TSPAN5: variants seen among roughly 807,000 people sequenced by gnomAD.
TSPAN5 encodes the protein tetraspanin-5.
A neutral mutation model predicts 37.1 loss-of-function variants in TSPAN5; 10 were observed. The ratio of observed to expected loss-of-function variants is 0.27; its 90% CI spans 0.17 to 0.46. The LOEUF (loss-of-function observed/expected upper bound fraction) is 0.46. Among genes scored for constraint, TSPAN5 ranks in the 20% least tolerant of loss-of-function variants. The pLI is 1.00. For synonymous variants in TSPAN5, 110 were observed against 118.9 expected (o/e 0.93, Z 0.48); for missense variants, 195 against 326.6 (o/e 0.60, Z 3.11).
intron 1 of TSPAN5, among the ~76,000 whole-genome samples, chr4:98,591,729 G>T (rs1270795593): frequency 7.2e-6 from 1 of 139,494 alleles, no homozygotes; most frequent in African/African-American, 2.7e-5. Context: ...TTTTTAATGT[G>T]TCTACCAGAA....
chr4:98,527,264 G>C (rs1420984735), intron 1 of TSPAN5, among the ~76,000 whole-genome samples: 1 of 152,196 alleles, frequency 6.6e-6, no homozygotes, highest in East Asian at 1.9e-4. Context: ...GAAATGATCA[G>C]AGCTGGGCTT....
intron 1 of TSPAN5, among the ~76,000 whole-genome samples, chr4:98,539,045 T>C (rs986019310): frequency 6.6e-6 from 1 of 151,828 alleles, no homozygotes; most frequent in African/African-American, 2.4e-5. Context: ...GGTGGGAGGC[T>C]GGGGAATGCT....
At chr4:98,567,114 A>G (rs962579266) in intron 1 of TSPAN5, among the ~76,000 whole-genome samples, 2 of 152,212 alleles carry the variant, frequency 1.3e-5, no homozygotes, top group African/African-American at 4.8e-5. Context: ...AAGTCTCTCC[A>G]TCCTGCCTAC....
chr4:98,619,942 T>G (rs1756443490), intron 1 of TSPAN5, among the ~76,000 whole-genome samples: 1 of 152,108 alleles, frequency 6.6e-6, no homozygotes, highest in Admixed American at 6.5e-5. Context: ...TAGGATCTAA[T>G]TACCTCCTAA....
chr4:98,626,784 C>T (rs1213452565), intron 1 of TSPAN5, among the ~76,000 whole-genome samples: 3 of 151,558 alleles, frequency 2.0e-5, no homozygotes, highest in African/African-American at 4.9e-5. Context: ...TCCTCTTTAG[C>T]GTTTATCACT....
intron 1 of TSPAN5, among the ~76,000 whole-genome samples, chr4:98,568,533 C>A (rs944759159): frequency 6.6e-6 from 1 of 151,828 alleles, no homozygotes; most frequent in African/African-American, 2.4e-5. Context: ...CAGTCCCCCA[C>A]CCCCAGCCCA....
chr4:98,638,003 T>C (rs1355374224), intron 1 of TSPAN5, among the ~76,000 whole-genome samples: 1 of 152,228 alleles, frequency 6.6e-6, no homozygotes. Context: ...CGGCTCTTCC[T>C]GCTCCTTCTT....
At chr4:98,536,572 T>C (rs187711995) in intron 1 of TSPAN5, among the ~76,000 whole-genome samples, 71 of 152,358 alleles carry the variant, frequency 4.7e-4, no homozygotes, top group African/African-American at 1.6e-3. Context: ...GGCAGGGACA[T>C]TTAAGTCTGC....
chr4:98,642,593 CT>C (rs953823613), intron 1 of TSPAN5, among the ~76,000 whole-genome samples: 22 of 151,454 alleles, frequency 1.5e-4, no homozygotes, highest in South Asian at 8.4e-4. Context: ...GGTAGTTTCT[CT>C]TTTTTTTTCT....
chr4:98,640,801 G>A (rs998683525), intron 1 of TSPAN5, among the ~76,000 whole-genome samples: 1 of 152,190 alleles, frequency 6.6e-6, no homozygotes, highest in Non-Finnish European at 1.5e-5. Flanking sequence ...CCTTTTCCCA[G>A]GTGACAGTGA....
intron 4 of TSPAN5, among the ~76,000 whole-genome samples, chr4:98,479,298 G>A (rs763645606): frequency 5.3e-5 from 8 of 152,198 alleles, no homozygotes; most frequent in East Asian, 1.9e-4. Flanking sequence ...TTTATGGAGC[G>A]CAGGGAGACC....
chr4:98,561,092 G>A (rs1754872935), intron 1 of TSPAN5, among the ~76,000 whole-genome samples: 1 of 152,234 alleles, frequency 6.6e-6, no homozygotes, highest in Admixed American at 6.5e-5. Context: ...TTTGTGACTT[G>A]TCTTTACCAA....
chr4:98,595,911 T>A (rs1262270913), intron 1 of TSPAN5, among the ~76,000 whole-genome samples: 1 of 13,954 alleles, frequency 7.2e-5, no homozygotes, highest in Non-Finnish European at 1.3e-4. Context: ...ATGTATATTC[T>A]GTTGATTTGG....
intron 1 of TSPAN5, among the ~76,000 whole-genome samples, chr4:98,566,619 A>C (rs1755010113): frequency 6.6e-6 from 1 of 152,202 alleles, no homozygotes; most frequent in Non-Finnish European, 1.5e-5. Context: ...ATTGGTGCTA[A>C]GGCACCACAA....
intron 1 of TSPAN5, among the ~76,000 whole-genome samples, chr4:98,608,448 T>A (rs977199121): frequency 6.6e-6 from 1 of 151,698 alleles, no homozygotes; most frequent in Non-Finnish European, 1.5e-5. Context: ...TCACATGGAG[T>A]CCCTTCTGAG....
intron 1 of TSPAN5, among the ~76,000 whole-genome samples, chr4:98,559,899 T>C (rs1578992762): frequency 1.3e-5 from 2 of 152,332 alleles, no homozygotes; most frequent in East Asian, 1.9e-4. Flanking sequence ...CTGACTGTAT[T>C]GAGCTGTTTT....
At chr4:98,483,740 A>C (rs1752898077) in intron 3 of TSPAN5, 1 of 152,312 alleles carries the variant, frequency 6.6e-6, no homozygotes, top group Non-Finnish European at 1.5e-5. Flanking sequence ...GTTTCCCTAG[A>C]GTTCCTGATT....
At chr4:98,533,939 TAAAAAAAAA>T (rs1194318640) in intron 1 of TSPAN5, among the ~76,000 whole-genome samples, 4 of 31,148 alleles carry the variant, frequency 1.3e-4, no homozygotes, top group African/African-American at 7.3e-4. Flanking sequence ...TTGTTGATCT[TAAAAAAAAA>T]AAAAAAAAAA....
chr4:98,634,285 T>A (rs1756809277), intron 1 of TSPAN5, among the ~76,000 whole-genome samples: 2 of 152,118 alleles, frequency 1.3e-5, no homozygotes, highest in African/African-American at 2.4e-5. Context: ...CTCTTCCATA[T>A]GCTATCTCTA....
Sources: gnomAD v4.1 joint callset for allele counts (sites outside exome capture counted in the v4.1 genomes callset) on GRCh38, gnomAD v4.1.1 for gene constraint, MANE v1.5 for transcripts, NCBI Gene and HGNC (gene_info 2026-07-23, HGNC 2026-07-21) for gene names.